The following STK33 variants were observed in gnomAD, a reference collection of about 807,000 sequenced individuals.
STK33 encodes serine/threonine-protein kinase 33.
STK33 carries 52 observed loss-of-function variants against 58.0 expected under a neutral mutation model. The ratio of observed to expected loss-of-function variants is 0.90; its 90% CI spans 0.72 to 1.13. STK33 has a LOEUF of 1.13. Among genes scored for constraint, STK33 ranks in the 50% most tolerant of loss-of-function variants. The pLI is 0.00. For synonymous variants in STK33, 215 were observed against 200.1 expected (o/e 1.07, Z -0.63); for missense variants, 630 against 604.2 (o/e 1.04, Z -0.45).
At chr11:8,490,473 T>G (rs544348894) in intron 1 of STK33, among the ~76,000 whole-genome samples, 2 of 152,230 alleles carry the variant, frequency 1.3e-5, no homozygotes, top group African/African-American at 4.8e-5. Flanking sequence ...CTCTGTAGAC[T>G]CCACGTCTGG....
chr11:8,409,393 G>C (rs1939821362), intron 15 of STK33, among the ~76,000 whole-genome samples: 2 of 152,184 alleles, frequency 1.3e-5, no homozygotes, highest in African/African-American at 2.4e-5. Flanking sequence ...TAAGGTCTCT[G>C]CTTTCATTAC....
intron 1 of STK33, among the ~76,000 whole-genome samples, chr11:8,563,041 A>C (rs769874268): frequency 1.5e-4 from 23 of 152,278 alleles, no homozygotes; most frequent in Middle Eastern, 3.4e-3. Flanking sequence ...TCTCAGTTCA[A>C]GGAGAGGCAA....
chr11:8,488,251 A>C (rs1051169694), intron 1 of STK33, among the ~76,000 whole-genome samples: 2 of 152,192 alleles, frequency 1.3e-5, no homozygotes, highest in Admixed American at 1.3e-4. Flanking sequence ...CAGTTGCCCA[A>C]GGCAGTTGAT....
chr11:8,373,076 T>G, the STK33 span, among the ~76,000 whole-genome samples: 1 of 152,166 alleles, frequency 6.6e-6, no homozygotes, highest in African/African-American at 2.4e-5. Flanking sequence ...GTGGGCTGTC[T>G]CCCATGTCTG....
At chr11:8,340,619 C>G in the STK33 span, among the ~76,000 whole-genome samples, 3 of 152,220 alleles carry the variant, frequency 2.0e-5, no homozygotes, top group African/African-American at 7.2e-5. Flanking sequence ...GGAGCAGGAC[C>G]AGAAGCTGGT....
At chr11:8,442,718 A>C (rs1359758483) in intron 11 of STK33, among the ~76,000 whole-genome samples, 1 of 152,224 alleles carries the variant, frequency 6.6e-6, no homozygotes, top group Admixed American at 6.5e-5. Context: ...AAATAAGATA[A>C]AACAATTTCA....
the STK33 span, among the ~76,000 whole-genome samples, chr11:8,357,141 A>G: frequency 1.3e-5 from 2 of 152,190 alleles, no homozygotes; most frequent in African/African-American, 4.8e-5. Context: ...TCTGAAATGA[A>G]CTCTGCTCCA....
chr11:8,419,221 C>T (rs938291028), intron 14 of STK33, among the ~76,000 whole-genome samples: 5 of 152,144 alleles, frequency 3.3e-5, no homozygotes, highest in African/African-American at 1.2e-4. Context: ...TTGCATTTTA[C>T]ATTTAAGTAT....
intron 15 of STK33, among the ~76,000 whole-genome samples, chr11:8,407,480 AG>A (rs1199848914): frequency 6.6e-6 from 1 of 152,122 alleles, no homozygotes; most frequent in Non-Finnish European, 1.5e-5. Flanking sequence ...TTTTCTTTTT[AG>A]TAAAGTTCTT....
intron 1 of STK33, among the ~76,000 whole-genome samples, chr11:8,514,851 G>A (rs535376228): frequency 6.6e-6 from 1 of 151,944 alleles, no homozygotes; most frequent in Non-Finnish European, 1.5e-5. Context: ...AATAAAACCA[G>A]GAATATAAAC....
At position 8,413,813 on chromosome 11, in the gene STK33, C is replaced by T. The variant is rs1940697417; in HGVS notation, c.1147-121G>A. 5 of 898,754 alleles carry T rather than the reference C, an allele frequency of 5.6e-6. No homozygotes were observed. In the South Asian group the frequency reaches 8.6e-5, roughly 15 times the overall value. The allele number at this position is 898,754 out of a possible 1,614,324, so 55.7% of individuals were successfully genotyped here. On this transcript the variant is annotated intron_variant, in intron 14 of 15. Coordinates refer to ENST00000687296, the MANE Select transcript of STK33 (RefSeq NM_001352389.2). ...TAGTCACATGGAAAAGATTATAATG[C>T]TGAATAAATATGAAAACTTCTGATG...
At chr11:8,458,317 G>C (rs954445284) in intron 8 of STK33, among the ~76,000 whole-genome samples, 1 of 151,600 alleles carries the variant, frequency 6.6e-6, no homozygotes, top group African/African-American at 2.4e-5. Context: ...TTTACTTCTA[G>C]ACTTGAAAAT....
intron 1 of STK33, among the ~76,000 whole-genome samples, chr11:8,538,097 G>A (rs1373942735): frequency 6.6e-6 from 1 of 151,976 alleles, no homozygotes; most frequent in Non-Finnish European, 1.5e-5. Context: ...TGAGCTAGGA[G>A]GATGGTTTCA....
At chr11:8,456,227 T>C (rs541902146) in intron 9 of STK33, among the ~76,000 whole-genome samples, 1 of 152,342 alleles carries the variant, frequency 6.6e-6, no homozygotes, top group African/African-American at 2.4e-5. Context: ...CGTTTCCCTC[T>C]GCCTAGAAAG....
chr11:8,388,682 C>T (rs965964172), downstream of STK33, among the ~76,000 whole-genome samples: 1 of 152,202 alleles, frequency 6.6e-6, no homozygotes, highest in East Asian at 1.9e-4. Flanking sequence ...CTGGAAGCCC[C>T]TTCCCTGGTC....
At chr11:8,476,558 GC>G (rs1949296248) in intron 4 of STK33, 128 bp downstream of exon 4, 1 of 152,162 alleles carries the variant, frequency 6.6e-6, no homozygotes, top group Admixed American at 6.6e-5. Flanking sequence ...TGCTTCCTCT[GC>G]CTGGGATGCT....
At chr11:8,402,722 C>G (rs1034136696) in intron 15 of STK33, among the ~76,000 whole-genome samples, 2 of 152,206 alleles carry the variant, frequency 1.3e-5, no homozygotes, top group Non-Finnish European at 2.9e-5. Context: ...GCCCTCCAGG[C>G]CAGGCCATAG....
chr11:8,465,559 A>G (rs568468422), intron 6 of STK33: 2 of 152,198 alleles, frequency 1.3e-5, no homozygotes, highest in African/African-American at 4.8e-5. Context: ...TTTCTTATCA[A>G]TTTGGTTTTG....
At chr11:8,444,338 C>T (rs1945137206) in intron 11 of STK33, among the ~76,000 whole-genome samples, 1 of 152,102 alleles carries the variant, frequency 6.6e-6, no homozygotes, top group Non-Finnish European at 1.5e-5. Context: ...TCCTATCACC[C>T]TTCCTTTTTT....
Sources: gnomAD v4.1 joint callset for allele counts (sites outside exome capture counted in the v4.1 genomes callset) on GRCh38, gnomAD v4.1.1 for gene constraint, MANE v1.5 for transcripts, NCBI Gene and HGNC (gene_info 2026-07-23, HGNC 2026-07-21) for gene names.